The following ALCAM variants were observed in gnomAD, a reference collection of about 807,000 sequenced individuals.
The protein encoded by ALCAM is activated leukocyte cell adhesion molecule, also known as CD166 antigen.
In ALCAM, 30 loss-of-function variants were observed where a neutral mutation model predicts 70.9. The observed-to-expected ratio is 0.42, with a 90% CI of 0.32 to 0.57. The LOEUF (loss-of-function observed/expected upper bound fraction) is 0.57, where lower values mean the gene tolerates loss of function less well. ALCAM is among the 20% of genes least tolerant of loss of function. The pLI is 0.11. For missense variants in ALCAM, 591 were observed against 695.1 expected (o/e 0.85, Z 1.68); for synonymous variants, 249 against 242.5 (o/e 1.03, Z -0.25).
At chr3:105,532,437 T>TA (rs1939862264) in intron 4 of ALCAM, among the ~76,000 whole-genome samples, 1 of 152,208 alleles carries the variant, frequency 6.6e-6, no homozygotes, top group East Asian at 1.9e-4. Flanking sequence ...ACCTTGTTTA[T>TA]AAAAAATATT....
intron 1 of ALCAM, among the ~76,000 whole-genome samples, chr3:105,389,693 T>C (rs1935761061): frequency 6.6e-6 from 1 of 151,476 alleles, no homozygotes; most frequent in African/African-American, 2.4e-5. Flanking sequence ...CATCTAGGTA[T>C]TAAGTCTTGC....
chr3:105,523,592 G>A (rs1028128493), intron 2 of ALCAM, among the ~76,000 whole-genome samples: 1 of 152,156 alleles, frequency 6.6e-6, no homozygotes. Context: ...GAAGAAATGC[G>A]TTATATGTCT....
intron 1 of ALCAM, among the ~76,000 whole-genome samples, chr3:105,471,927 C>A (rs1937942657): frequency 6.6e-6 from 1 of 151,312 alleles, no homozygotes; most frequent in Non-Finnish European, 1.5e-5. Context: ...TATTCTTTGA[C>A]CAGCATCTTC....
At chr3:105,409,321 A>G (rs755083013) in intron 1 of ALCAM, among the ~76,000 whole-genome samples, 15 of 111,030 alleles carry the variant, frequency 1.4e-4, no homozygotes, top group Non-Finnish European at 2.4e-4. Context: ...ATGAGTGGAT[A>G]AAGAAAATGT....
intron 3 of ALCAM, 62 bp downstream of exon 3, chr3:105,524,570 C>A: frequency 1.3e-6 from 2 of 1,598,986 alleles, no homozygotes; most frequent in South Asian, 1.1e-5. Flanking sequence ...AGACCATGTT[C>A]TTTAGAAAGA....
intron 1 of ALCAM, among the ~76,000 whole-genome samples, chr3:105,514,471 T>C (rs903813545): frequency 6.6e-6 from 1 of 151,972 alleles, no homozygotes; most frequent in African/African-American, 2.4e-5. Context: ...ATTAAGAAGG[T>C]AATTTTCTGC....
At chr3:105,446,827 A>T (rs1243050301) in intron 1 of ALCAM, among the ~76,000 whole-genome samples, 1 of 152,146 alleles carries the variant, frequency 6.6e-6, no homozygotes, top group African/African-American at 2.4e-5. Context: ...AGAACTAAAG[A>T]GCAGAATAGT....
intron 1 of ALCAM, among the ~76,000 whole-genome samples, chr3:105,505,317 A>G (rs2152617704): frequency 1.3e-5 from 2 of 152,318 alleles, no homozygotes; most frequent in Middle Eastern, 3.4e-3. Flanking sequence ...CGGAAGGTGA[A>G]GAGGAACCAG....
At chr3:105,534,031 CA>C (rs1939909225) in intron 5 of ALCAM, among the ~76,000 whole-genome samples, 1 of 152,120 alleles carries the variant, frequency 6.6e-6, no homozygotes, top group South Asian at 2.1e-4. Context: ...GACAGATCAT[CA>C]GGCATCAGAT....
chr3:105,494,567 G>C (rs947578952), intron 1 of ALCAM, among the ~76,000 whole-genome samples: 1 of 151,790 alleles, frequency 6.6e-6, no homozygotes. Flanking sequence ...GATTTTGTCA[G>C]ACAACAATTC....
chr3:105,515,282 T>C (rs1385802111), intron 1 of ALCAM, among the ~76,000 whole-genome samples: 1 of 152,060 alleles, frequency 6.6e-6, no homozygotes, highest in Non-Finnish European at 1.5e-5. Context: ...TGTAAAAAGA[T>C]TGGGAATCCA....
intron 1 of ALCAM, among the ~76,000 whole-genome samples, chr3:105,514,124 T>C (rs1282606827): frequency 2.0e-5 from 3 of 151,914 alleles, no homozygotes; most frequent in African/African-American, 7.2e-5. Context: ...TCCCACAGCA[T>C]TTGGTTTACC....
At position 105,376,596 on chromosome 3, in the gene ALCAM, A is replaced by C. The variant is rs185523954; in HGVS notation, c.73+9115A>C. Among the ~76,000 whole-genome samples the C allele has an allele frequency of 2.6e-5, 4 of 152,356 alleles. No homozygotes were observed. In the South Asian group the frequency reaches 8.3e-4, roughly 32 times the overall value. Reference sequence around the variant, plus strand: ...CAAGATCCTATCACTCAAAGATGTTATGTTCTCTCAGGGAAACAGATATCA... The same window carrying C: ...CAAGATCCTATCACTCAAAGATGTTCTGTTCTCTCAGGGAAACAGATATCA... On this transcript the variant is annotated intron_variant, in intron 1 of 15. Coordinates refer to ENST00000306107, the MANE Select transcript of ALCAM (RefSeq NM_001627.4).
intron 14 of ALCAM, among the ~76,000 whole-genome samples, chr3:105,568,121 T>C (rs1177601711): frequency 6.7e-6 from 1 of 148,818 alleles, no homozygotes; most frequent in African/African-American, 2.5e-5. Flanking sequence ...AGTGCAATGG[T>C]ACAATATCTC....
chr3:105,486,016 G>T (rs770791477), intron 1 of ALCAM, among the ~76,000 whole-genome samples: 2 of 152,008 alleles, frequency 1.3e-5, no homozygotes, highest in Non-Finnish European at 2.9e-5. Flanking sequence ...TTTCTTCATA[G>T]AAAGTTATTG....
intron 1 of ALCAM, among the ~76,000 whole-genome samples, chr3:105,477,083 C>T (rs937162485): frequency 6.6e-6 from 1 of 152,048 alleles, no homozygotes; most frequent in Non-Finnish European, 1.5e-5. Context: ...GCCTCCCCAG[C>T]CATGTGGAAC....
At chr3:105,396,794 G>T (rs566464928) in intron 1 of ALCAM, among the ~76,000 whole-genome samples, 37 of 152,108 alleles carry the variant, frequency 2.4e-4, no homozygotes, top group African/African-American at 8.7e-4. Flanking sequence ...CCTTTCCAAA[G>T]ACCATAGCCT....
intron 1 of ALCAM, among the ~76,000 whole-genome samples, chr3:105,464,524 G>A (rs906211027): frequency 6.6e-6 from 1 of 151,064 alleles, no homozygotes; most frequent in African/African-American, 2.4e-5. Flanking sequence ...AGCATATTAG[G>A]ACAAATAACA....
chr3:105,439,625 A>T (rs1361106874), intron 1 of ALCAM: 2 of 152,212 alleles, frequency 1.3e-5, no homozygotes, highest in Non-Finnish European at 2.9e-5. Flanking sequence ...TCAATATGAA[A>T]TTTTGAAGTT....
Sources: gnomAD v4.1 joint callset for allele counts (sites outside exome capture counted in the v4.1 genomes callset) on GRCh38, gnomAD v4.1.1 for gene constraint, MANE v1.5 for transcripts, NCBI Gene and HGNC (gene_info 2026-07-23, HGNC 2026-07-21) for gene names.